The following NPC1 variants were observed in gnomAD, a reference collection of about 807,000 sequenced individuals.
NPC1 encodes the protein NPC intracellular cholesterol transporter 1.
NPC1 carries 85 observed loss-of-function variants against 140.4 expected under a neutral mutation model. The ratio of observed to expected loss-of-function variants is 0.61; its 90% confidence interval spans 0.51 to 0.72. The LOEUF (loss-of-function observed/expected upper bound fraction) is 0.72, where lower values mean the gene tolerates loss of function less well. Ranked by LOEUF, NPC1 falls within the 30% of genes least tolerant of loss-of-function variation. The probability of loss-of-function intolerance (pLI) is 0.00; values close to 1 mark genes in which losing one functional copy is unlikely to be tolerated. For synonymous variants in NPC1, 656 were observed against 624.8 expected, an observed-to-expected ratio of 1.05 and a Z score of -0.74; for missense variants, 1,504 against 1,623.8, an observed-to-expected ratio of 0.93 and a Z score of 1.27.
chr18:23,521,130 C>T (rs546917947), downstream of NPC1, among the ~76,000 whole-genome samples: 1 of 152,182 alleles, frequency 6.6e-6, no homozygotes, highest in Non-Finnish European at 1.5e-5. Flanking sequence ...GCTAGGATTA[C>T]AAGTGTGAGC....
intron 1 of NPC1, among the ~76,000 whole-genome samples, chr18:23,580,629 G>A (rs2059345538): frequency 6.6e-6 from 1 of 152,190 alleles, no homozygotes; most frequent in Admixed American, 6.5e-5. Context: ...TAAAGCTAAT[G>A]GCAAAACATG....
At chr18:23,523,087 T>C (rs1232355191) in intron 1 of NPC1, among the ~76,000 whole-genome samples, 2 of 152,064 alleles carry the variant, frequency 1.3e-5, no homozygotes, top group Non-Finnish European at 2.9e-5. Flanking sequence ...GTGAGGGCTG[T>C]GCACTCGGCG....
rs1288784971 is a variant in NPC1 at position 23,567,033 on chromosome 18, AAAT to A, written c.463+1787_463+1789del. Among the ~76,000 whole-genome samples the A allele has an allele frequency of 3.9e-5, 6 of 152,190 alleles. No individual in the cohort carries two copies. The East Asian group carries it at 9.6e-4, about 24-fold the overall frequency. ...TGAATTTTCATGGCTTTTTAGCACC[AAAT>A]AATATTCCACTGTGTGGATGTAGCA... On this transcript the variant is annotated intron_variant, in intron 4 of 24. Transcript: ENST00000269228.
At chr18:23,516,175 C>A in intron 3 of NPC1, 1 of 1,285,062 alleles carries the variant, frequency 7.8e-7, no homozygotes, top group Non-Finnish European at 1.1e-6. Context: ...CTATGCTGGG[C>A]AGACAGGCTG....
chr18:23,533,028 T>C, intron 24 of NPC1: 1 of 808,230 alleles, frequency 1.2e-6, no homozygotes, highest in Non-Finnish European at 1.5e-6. Flanking sequence ...GGCTGCCAGA[T>C]GGACTCCTTC....
intron 3 of NPC1, chr18:23,507,891 A>T: frequency 9.5e-7 from 1 of 1,057,296 alleles, no homozygotes; most frequent in Non-Finnish European, 1.3e-6. Flanking sequence ...TTTTAAGTTA[A>T]TATTTATTTT....
chr18:23,541,506 T>A, intron 14 of NPC1, 73 bp from the exon 15 acceptor site: 1 of 1,593,956 alleles, frequency 6.3e-7, no homozygotes, highest in East Asian at 2.2e-5. Context: ...TATGTTCATG[T>A]GCATGTACAG....
At chr18:23,529,128 A>G (rs781522357), downstream of NPC1, 1 of 1,588,732 alleles carries the variant, frequency 6.3e-7, no homozygotes, top group East Asian at 2.2e-5. Flanking sequence ...TGTAAACAGC[A>G]CCCTTCCTCT....
rs560538302 is a variant in NPC1, at chr18:23,553,566, G to A, written c.1553+1192C>T. 8.8e-4 allele frequency among the ~76,000 whole-genome samples: 134 copies of A among 152,278 alleles called. 2 individuals carry two copies. The highest frequency in any genetic ancestry group is 8.2e-3 in the Admixed American group (126 of 15,296). ...AGTCCTTAGCTCTTGAGAAGTAGTC[G>A]GCTGAGCAGTGTCCTTAAAGGCAAA... On this transcript the variant is annotated intron_variant, in intron 9 of 24. Transcript: ENST00000269228.
chr18:23,540,967 C>T (rs1189365862), intron 16 of NPC1, 101 bp downstream of exon 16: 1 of 1,340,970 alleles, frequency 7.5e-7, no homozygotes, highest in African/African-American at 1.5e-5. Context: ...TACATTTTAA[C>T]AGCTTTAAGA....
At chr18:23,578,332 G>A (rs1170019214) in intron 1 of NPC1, among the ~76,000 whole-genome samples, 4 of 152,248 alleles carry the variant, frequency 2.6e-5, no homozygotes, top group African/African-American at 9.6e-5. Flanking sequence ...ATTCAAAACA[G>A]AGCAGGTGAC....
intron 3 of NPC1, among the ~76,000 whole-genome samples, chr18:23,508,300 G>A (rs1292804624): frequency 6.6e-6 from 1 of 152,158 alleles, no homozygotes; most frequent in Non-Finnish European, 1.5e-5. Context: ...TAGCCCTTGG[G>A]GCTGTCGTCT....
chr18:23,538,751 G>T, intron 19 of NPC1, 80 bp from the exon 20 acceptor site: 1 of 1,424,842 alleles, frequency 7.0e-7, no homozygotes, highest in South Asian at 1.2e-5. Context: ...TACTGACAGT[G>T]AGGGGCATTA....
rs1393241731 is a variant in NPC1 at position 23,556,587 on chromosome 18, T to C, written c.982A>G (p.Ser328Gly). The C allele has an allele frequency of 6.2e-7, 1 of 1,614,062 alleles. No individual in the cohort carries two copies. Among genetic ancestry groups the C allele is most frequent in the Non-Finnish European group, 8.5e-7 (1 of 1,179,992 alleles). Residue 328 changes from serine (S) to glycine (G), a missense_variant, in exon 8 of 25, where the codon AGC becomes GGC. Physicochemically the swap from Ser to Gly is moderately conservative, Grantham distance 56. Transcript: ENST00000269228. Reference protein sequence around the residue: ...KGEASCCDPVSAAFEGCLRRL... With the variant: ...KGEASCCDPVGAAFEGCLRRL... The stretch of plus-strand genomic sequence containing the variant: ...CTCAAGCAGCCCTCAAATGCTGCGC[T>C]GACAGGGTCACAGCAGGACGCCTCT...
intron 4 of NPC1, among the ~76,000 whole-genome samples, chr18:23,562,332 A>G (rs2059055059): frequency 1.3e-5 from 2 of 151,860 alleles, no homozygotes; most frequent in South Asian, 2.1e-4. Flanking sequence ...TAATACTGTT[A>G]TCTTTTTGGA....
chr18:23,542,107 G>T (rs914507232), intron 14 of NPC1, among the ~76,000 whole-genome samples: 2 of 152,134 alleles, frequency 1.3e-5, no homozygotes, highest in African/African-American at 4.8e-5. Context: ...TGTCTTTTTA[G>T]ATAGGACACG....
downstream of NPC1, chr18:23,530,694 C>A: frequency 7.5e-7 from 1 of 1,341,758 alleles, no homozygotes; most frequent in South Asian, 1.4e-5. Context: ...GGCGAGGACC[C>A]TGGGTTAGCA....
At chr18:23,584,426 T>G (rs1429736220) in intron 1 of NPC1, among the ~76,000 whole-genome samples, 1 of 152,140 alleles carries the variant, frequency 6.6e-6, no homozygotes, top group African/African-American at 2.4e-5. Flanking sequence ...CCAGTTAAGG[T>G]TTACAGACCT....
At chr18:23,534,300 C>T (rs181867988) in intron 23 of NPC1, 146 bp downstream of exon 23, 42 of 706,084 alleles carry the variant, frequency 5.9e-5, no homozygotes, top group Middle Eastern at 3.6e-4. Flanking sequence ...GTTCTGTCCA[C>T]GATGTGGCAG....
Sources: allele counts gnomAD v4.1 joint callset (sites outside exome capture counted in the v4.1 genomes callset), GRCh38; gene constraint gnomAD v4.1.1; transcripts MANE v1.5; gene names NCBI Gene and HGNC (gene_info 2026-07-23, HGNC 2026-07-21).